Variants in DCLK2 observed in about 807,000 individuals in gnomAD.
DCLK2 encodes the protein serine/threonine-protein kinase DCLK2.
Under a neutral mutation model 78.4 loss-of-function variants are expected in DCLK2, and 31 were observed. The ratio of observed to expected loss-of-function variants is 0.40; its 90% CI spans 0.30 to 0.53. DCLK2 has a LOEUF of 0.53. Among genes scored for constraint, DCLK2 ranks in the 20% least tolerant of loss-of-function variants. The pLI, the probability that DCLK2 is intolerant of heterozygous loss-of-function variation, is 0.61. For synonymous variants in DCLK2, 407 were observed against 374.9 expected, an observed-to-expected ratio of 1.09 and a Z score of -0.99; for missense variants, 872 against 973.7, an observed-to-expected ratio of 0.90 and a Z score of 1.39.
At chr4:150,179,367 A>T (rs1330306972) in intron 2 of DCLK2, among the ~76,000 whole-genome samples, 1 of 152,176 alleles carries the variant, frequency 6.6e-6, no homozygotes. Context: ...TCCTAGAAAC[A>T]TAAATAGTCC....
At chr4:150,250,296 C>G (rs1401388650) in intron 15 of DCLK2, among the ~76,000 whole-genome samples, 1 of 152,056 alleles carries the variant, frequency 6.6e-6, no homozygotes, top group Non-Finnish European at 1.5e-5. Context: ...CTTAAGGCAA[C>G]TCTCCTAAAT....
chr4:150,093,661 C>T (rs1258843117), intron 1 of DCLK2, among the ~76,000 whole-genome samples: 1 of 152,204 alleles, frequency 6.6e-6, no homozygotes, highest in Non-Finnish European at 1.5e-5. Context: ...GGATTACAGG[C>T]ATAAACCACG....
At chr4:150,197,776 G>A (rs1350377034) in intron 3 of DCLK2, among the ~76,000 whole-genome samples, 1 of 150,392 alleles carries the variant, frequency 6.6e-6, no homozygotes, top group Non-Finnish European at 1.5e-5. Flanking sequence ...CCTGGGAAAC[G>A]GGAACAAAAC....
chr4:150,165,110 C>T (rs6825847), intron 2 of DCLK2, among the ~76,000 whole-genome samples: 1,703 of 152,330 alleles, frequency 0.011, 33 homozygotes, highest in African/African-American at 0.037. Context: ...ATGAACATTC[C>T]ATATGCCTGT....
chr4:150,190,191 G>C (rs144294285), intron 2 of DCLK2, among the ~76,000 whole-genome samples: 15 of 151,380 alleles, frequency 9.9e-5, no homozygotes, highest in Middle Eastern at 3.4e-3. Flanking sequence ...CAACAGAGTT[G>C]AGACCCTGGA....
chr4:150,244,418 C>T (rs889176455), intron 12 of DCLK2, among the ~76,000 whole-genome samples: 1 of 152,176 alleles, frequency 6.6e-6, no homozygotes, highest in African/African-American at 2.4e-5. Context: ...ACAAAATGCT[C>T]CAAGTGGAAT....
intron 1 of DCLK2, among the ~76,000 whole-genome samples, chr4:150,084,680 C>T (rs1370355021): frequency 6.6e-6 from 1 of 152,230 alleles, no homozygotes; most frequent in South Asian, 2.1e-4. Flanking sequence ...AGATTAATAT[C>T]TAATGGGTTT....
In DCLK2 at chr4:150,203,845, T is replaced by G; in HGVS notation, c.1012T>G (p.Ser338Ala). The change falls in exon 5 of 16, where the codon TCC (serine) becomes GCC (alanine). Residue 338 changes from serine to alanine, a missense_variant. Coordinates refer to ENST00000296550, the MANE Select transcript of DCLK2 (RefSeq NM_001040260.4). ...TTCTACTCCTAAATCTACGAAATCCTCCAGTTCCTCTCCAACTAGTCCAGG... is the reference window on the plus strand; with the variant it reads ...TTCTACTCCTAAATCTACGAAATCCGCCAGTTCCTCTCCAACTAGTCCAGG... ...QLSTPKSTKS[S>A]SSSPTSPGSF... 6.2e-7 allele frequency: 1 copy of G among 1,614,006 alleles called. No individual in the cohort carries two copies. The highest frequency in any genetic ancestry group is 8.5e-7 in the Non-Finnish European group (1 of 1,179,938).
At chr4:150,131,457 C>G (rs187621681) in intron 2 of DCLK2, among the ~76,000 whole-genome samples, 1 of 152,214 alleles carries the variant, frequency 6.6e-6, no homozygotes, top group African/African-American at 2.4e-5. Context: ...CATTATATAG[C>G]AAATCTTACT....
At chr4:150,104,906 A>G (rs1731152242) in intron 2 of DCLK2, among the ~76,000 whole-genome samples, 3 of 152,108 alleles carry the variant, frequency 2.0e-5, no homozygotes, top group Admixed American at 2.0e-4. Flanking sequence ...TCTTCTATAC[A>G]TTCTTTCTGA....
intron 8 of DCLK2, among the ~76,000 whole-genome samples, chr4:150,229,604 T>C (rs1278387934): frequency 6.6e-6 from 1 of 152,098 alleles, no homozygotes; most frequent in Admixed American, 6.6e-5. Flanking sequence ...ATGATTAGTC[T>C]GGTTTGAGAG....
chr4:150,255,060 G>GGCC (rs1744461545), intron 15 of DCLK2, among the ~76,000 whole-genome samples: 1 of 152,192 alleles, frequency 6.6e-6, no homozygotes, highest in Non-Finnish European at 1.5e-5. Context: ...GTGCCCTGAA[G>GGCC]GCCGCCACCC....
Position 150,256,106 on chromosome 4 carries a change from A to C in DCLK2, c.2160A>C (p.Pro720=). 6.2e-7 allele frequency: 1 copy of C among 1,611,482 alleles called. No individual in the cohort carries two copies. The highest frequency in any genetic ancestry group is 8.5e-7 in the Non-Finnish European group (1 of 1,179,508). The change falls in exon 16 of 16, where the codon CCA becomes CCC. Residue 720 remains proline, a synonymous_variant. Transcript: ENST00000296550. The part of the protein sequence containing the change: ...SGRPGMEPIS[P]VPPSVEEIPV... ...GGCCTGGGATGGAGCCCATCTCTCC[A>C]GTTCCTCCCTCAGTGGAGGAGATCC...
chr4:150,244,140 G>T (rs987238112), intron 12 of DCLK2, among the ~76,000 whole-genome samples: 2 of 151,730 alleles, frequency 1.3e-5, no homozygotes, highest in African/African-American at 4.8e-5. Context: ...TTGCAGTGTT[G>T]CCCAGGCTGG....
At chr4:150,165,438 T>C (rs544080534) in intron 2 of DCLK2, among the ~76,000 whole-genome samples, 1 of 152,350 alleles carries the variant, frequency 6.6e-6, no homozygotes, top group East Asian at 1.9e-4. Context: ...TTGGTTAGAT[T>C]GGAAAATTTG....
At chr4:150,087,682 C>G (rs1296893440) in intron 1 of DCLK2, among the ~76,000 whole-genome samples, 1 of 152,222 alleles carries the variant, frequency 6.6e-6, no homozygotes, top group Non-Finnish European at 1.5e-5. Context: ...GGACACCCAG[C>G]AAGGCCTGTC....
rs761283919 is a variant in DCLK2, at chr4:150,256,271, G to A, written c.*24G>A. ...GAGCCTCCTGCAGACGGGCGAAGCCGCCTGCTGCAGCCCAGGAAGCCAGCC... is the reference window on the plus strand; with the variant it reads ...GAGCCTCCTGCAGACGGGCGAAGCCACCTGCTGCAGCCCAGGAAGCCAGCC... On this transcript the variant is annotated 3_prime_UTR_variant, in exon 16 of 16. Transcript: ENST00000296550. 3.4e-5 allele frequency: 50 copies of A among 1,471,520 alleles called. No homozygotes were observed. In the East Asian group the frequency reaches 3.5e-4, roughly 10 times the overall value. 91.2% of individuals were successfully genotyped at this position (1,471,520 alleles called of 1,614,324 possible).
chr4:150,201,007 G>A (rs763444895), intron 4 of DCLK2, among the ~76,000 whole-genome samples: 2 of 152,034 alleles, frequency 1.3e-5, no homozygotes, highest in Non-Finnish European at 2.9e-5. Context: ...TAGTGGAGAC[G>A]AGGTTTCGCC....
At position 150,221,712 on chromosome 4, in the gene DCLK2, C is replaced by A. The variant is rs773057815; in HGVS notation, c.1168C>A (p.Leu390Ile). The A allele has an allele frequency of 1.2e-6, 2 of 1,606,004 alleles. No homozygotes were observed. Among genetic ancestry groups the A allele is most frequent in the East Asian group, 4.5e-5 (2 of 44,334 alleles). Residue 390 changes from leucine (L) to isoleucine (I), a missense_variant, in exon 7 of 16, where the codon CTT (leucine) becomes ATT (isoleucine). Transcript: ENST00000296550. ...NGNRCSESST[L>I]LEKYKIGKVI... ...AAACAGATGCTCTGAATCATCAACT[C>A]TTCTTGAGAAATACAAAATTGGAAA...
Sources: allele counts gnomAD v4.1 joint callset (sites outside exome capture counted in the v4.1 genomes callset), GRCh38; gene constraint gnomAD v4.1.1; transcripts MANE v1.5; gene names NCBI Gene and HGNC (gene_info 2026-07-23, HGNC 2026-07-21).